LRMDA: variants seen among roughly 807,000 people sequenced by gnomAD.
LRMDA encodes the protein leucine-rich melanocyte differentiation-associated protein.
A neutral mutation model predicts 29.8 loss-of-function variants in LRMDA; 18 were observed. That is an observed-to-expected ratio of 0.60 (90% CI 0.42 to 0.90). The LOEUF (loss-of-function observed/expected upper bound fraction) is 0.90, where lower values mean the gene tolerates loss of function less well. Among genes scored for constraint, LRMDA ranks in the 40% least tolerant of loss-of-function variants. The pLI is 0.00. For synonymous variants in LRMDA, 125 were observed against 109.4 expected (o/e 1.14, Z -0.89); for missense variants, 273 against 273.9 (o/e 1.00, Z 0.02).
At chr10:76,097,983 A>G (rs1002396827) in intron 5 of LRMDA, among the ~76,000 whole-genome samples, 12 of 152,168 alleles carry the variant, frequency 7.9e-5, no homozygotes, top group African/African-American at 1.7e-4. Flanking sequence ...GGGAAATTCA[A>G]TATCCTCTCT....
chr10:76,326,136 A>G (rs975672392), intron 6 of LRMDA, among the ~76,000 whole-genome samples: 12 of 152,344 alleles, frequency 7.9e-5, no homozygotes, highest in Non-Finnish European at 1.8e-4. Flanking sequence ...AAGCAAGTCC[A>G]TATCATAAAA....
At chr10:76,387,546 C>G (rs537263086) in intron 6 of LRMDA, among the ~76,000 whole-genome samples, 2 of 150,430 alleles carry the variant, frequency 1.3e-5, no homozygotes, top group Non-Finnish European at 3.0e-5. Context: ...GAAGCTGCAG[C>G]GAGGTATGAT....
chr10:76,087,327 C>A (rs149927814), intron 5 of LRMDA, among the ~76,000 whole-genome samples: 66 of 152,182 alleles, frequency 4.3e-4, no homozygotes, highest in Non-Finnish European at 7.9e-4. Context: ...ACTTGTTCTG[C>A]GACTTTCAGA....
intron 2 of LRMDA, among the ~76,000 whole-genome samples, chr10:75,964,630 G>A (rs144990393): frequency 4.0e-4 from 61 of 152,314 alleles, no homozygotes; most frequent in Non-Finnish European, 5.7e-4. Flanking sequence ...TGCAGAAGGC[G>A]TTACCCCCGT....
intron 5 of LRMDA, among the ~76,000 whole-genome samples, chr10:76,179,237 AG>A (rs778587466): frequency 2.6e-5 from 4 of 151,574 alleles, no homozygotes; most frequent in East Asian, 2.0e-4. Flanking sequence ...GCAATCAAGG[AG>A]GGGGGGGTGG....
intron 5 of LRMDA, among the ~76,000 whole-genome samples, chr10:76,289,884 C>A (rs906289358): frequency 1.3e-5 from 2 of 152,148 alleles, no homozygotes; most frequent in East Asian, 3.8e-4. Flanking sequence ...TTCCGAAGAA[C>A]CACGATCATC....
At chr10:75,461,922 C>T (rs1166076151) in intron 2 of LRMDA, among the ~76,000 whole-genome samples, 1 of 152,234 alleles carries the variant, frequency 6.6e-6, no homozygotes, top group East Asian at 1.9e-4. Context: ...GAGCAAGCAA[C>T]TCAAACCATT....
intron 2 of LRMDA, among the ~76,000 whole-genome samples, chr10:75,564,738 G>C (rs1232205565): frequency 5.3e-5 from 8 of 152,186 alleles, no homozygotes. Flanking sequence ...TAGCTTCTCT[G>C]GATCTTGTTA....
intron 2 of LRMDA, among the ~76,000 whole-genome samples, chr10:75,592,395 C>T (rs543452246): frequency 6.6e-6 from 1 of 152,270 alleles, no homozygotes; most frequent in South Asian, 2.1e-4. Flanking sequence ...CATCTGCTGC[C>T]CGAAGTTGTA....
chr10:76,518,682 TCA>T (rs1215850965), intron 6 of LRMDA, among the ~76,000 whole-genome samples: 3 of 152,104 alleles, frequency 2.0e-5, no homozygotes, highest in African/African-American at 7.2e-5. Context: ...TATGATAGCT[TCA>T]CACCACTTAA....
chr10:75,474,669 A>G (rs1471254762), intron 2 of LRMDA, among the ~76,000 whole-genome samples: 1 of 152,178 alleles, frequency 6.6e-6, no homozygotes, highest in African/African-American at 2.4e-5. Context: ...TTTGCTTTAT[A>G]TCTGGGAGGG....
At chr10:76,104,773 C>T (rs927139920) in intron 5 of LRMDA, among the ~76,000 whole-genome samples, 2 of 152,088 alleles carry the variant, frequency 1.3e-5, no homozygotes, top group Admixed American at 6.6e-5. Flanking sequence ...GACGAAGGGC[C>T]GTGTTTGTGG....
chr10:76,152,627 A>T (rs1403788641), intron 5 of LRMDA, among the ~76,000 whole-genome samples: 1 of 152,118 alleles, frequency 6.6e-6, no homozygotes, highest in Non-Finnish European at 1.5e-5. Flanking sequence ...AGGTAGTGCC[A>T]TTTTACACAT....
chr10:76,118,840 C>CTTTTTTT (rs962279433), intron 5 of LRMDA, among the ~76,000 whole-genome samples: 12 of 46,004 alleles, frequency 2.6e-4, no homozygotes, highest in East Asian at 7.2e-4. Context: ...TGCAAATACA[C>CTTTTTTT]TTTTTTTTTT....
chr10:76,160,691 A>G (rs554517351), intron 5 of LRMDA, among the ~76,000 whole-genome samples: 116 of 152,256 alleles, frequency 7.6e-4, no homozygotes, highest in Middle Eastern at 3.4e-3. Context: ...TTTAGAACCA[A>G]TGCTCCTTAT....
intron 2 of LRMDA, among the ~76,000 whole-genome samples, chr10:75,468,872 T>C (rs1844690102): frequency 6.6e-6 from 1 of 152,042 alleles, no homozygotes; most frequent in Non-Finnish European, 1.5e-5. Context: ...GCATGGATTG[T>C]ATTAGACCTT....
At chr10:75,590,719 A>C (rs1840711988) in intron 2 of LRMDA, among the ~76,000 whole-genome samples, 2 of 145,028 alleles carry the variant, frequency 1.4e-5, no homozygotes, top group African/African-American at 5.2e-5. Context: ...TCTCACAATA[A>C]AATAGTCTTT....
intron 2 of LRMDA, among the ~76,000 whole-genome samples, chr10:76,011,566 G>A (rs72813539): frequency 3.7e-3 from 571 of 152,268 alleles, no homozygotes; most frequent in Non-Finnish European, 5.7e-3. Context: ...GTGAGTGGGC[G>A]AGGCAGACGA....
chr10:75,547,235 A>G (rs1269091511), intron 2 of LRMDA, among the ~76,000 whole-genome samples: 1 of 152,196 alleles, frequency 6.6e-6, no homozygotes, highest in African/African-American at 2.4e-5. Flanking sequence ...ATGGTTCTGT[A>G]TAGCATTACT....
Sources: allele counts gnomAD v4.1 joint callset (sites outside exome capture counted in the v4.1 genomes callset), GRCh38; gene constraint gnomAD v4.1.1; transcripts MANE v1.5; gene names NCBI Gene and HGNC (gene_info 2026-07-23, HGNC 2026-07-21).